Variants in ATP1A2 observed in about 807,000 individuals in gnomAD.
The protein encoded by ATP1A2 is sodium/potassium-transporting ATPase subunit alpha-2.
Under a neutral mutation model 113.1 loss-of-function variants are expected in ATP1A2, and 56 were observed. The observed-to-expected ratio is 0.49, with a 90% confidence interval of 0.40 to 0.62. The LOEUF (loss-of-function observed/expected upper bound fraction) is 0.62, where lower values mean the gene tolerates loss of function less well. ATP1A2 is among the 20% of genes least tolerant of loss of function. The pLI is 0.00. For missense variants in ATP1A2, 712 were observed against 1,357.8 expected (o/e 0.52, Z 7.47); for synonymous variants, 490 against 526.8 (o/e 0.93, Z 0.96).
rs1168370845 is a variant in ATP1A2 at position 160,137,060 on chromosome 1, C to T, written c.2840+29C>T. The T allele has an allele frequency of 4.3e-6, 7 of 1,613,748 alleles. No individual in the cohort carries two copies. The Admixed American group carries it at 1.0e-4, about 23-fold the overall frequency. On this transcript the variant is annotated intron_variant, in intron 20 of 22. Coordinates refer to ENST00000361216, the MANE Select transcript of ATP1A2 (RefSeq NM_000702.4). ...AGTGCCCACCCCCATGGCACCTACC[C>T]ACCCAGGCTCTGGGCACACTCACCA...
At position 160,138,566 on chromosome 1, in the gene ATP1A2, G is replaced by A. The variant is rs149011690; in HGVS notation, c.2841-1074G>A. Among the ~76,000 whole-genome samples the A allele has an allele frequency of 4.3e-4, 65 of 152,312 alleles. No individual in the cohort carries two copies. In the East Asian group the frequency reaches 0.011, roughly 26 times the overall value. On this transcript the variant is annotated intron_variant, in intron 20 of 22. Transcript: ENST00000361216. ...AGAATACAAAAGATGGAGTAGCCGG[G>A]GACAGTGGTTCACACCTGTAATCCC...
intron 20 of ATP1A2, among the ~76,000 whole-genome samples, chr1:160,137,465 G>A (rs193034451): frequency 1.1e-4 from 16 of 152,296 alleles, no homozygotes; most frequent in East Asian, 9.6e-4. Context: ...GAGTTCCAGC[G>A]TGCCAGGCAC....
rs767672945 is a variant in ATP1A2, at chr1:160,129,004, C to T, written c.1241C>T (p.Pro414Leu). Reference sequence around the variant, plus strand: ...GGGGCCACTTTTGACAAACGATCCCCTACGTGGACGGCCCTGTCTCGAATT... The same window carrying T: ...GGGGCCACTTTTGACAAACGATCCCTTACGTGGACGGCCCTGTCTCGAATT... Reference protein sequence around the residue: ...QSGATFDKRSPTWTALSRIAG... With the variant: ...QSGATFDKRSLTWTALSRIAG... The change falls in exon 10 of 23, where the codon CCT becomes CTT. Residue 414 changes from proline to leucine, a missense_variant. Pro to Leu is a moderately conservative substitution (Grantham distance 98, BLOSUM62 -3). This residue lies in a region of ATP1A2 where 263 missense variants were observed against 380.6 expected (regional missense o/e 0.69). Coordinates refer to ENST00000361216, the MANE Select transcript of ATP1A2 (RefSeq NM_000702.4). 1.2e-6 allele frequency: 2 copies of T among 1,608,374 alleles called. No homozygotes were observed. The highest frequency in any genetic ancestry group is 1.7e-6 in the Non-Finnish European group (2 of 1,176,940).
intron 20 of ATP1A2, 146 bp downstream of exon 20, chr1:160,137,177 G>C: frequency 7.4e-7 from 1 of 1,352,844 alleles, no homozygotes; most frequent in Non-Finnish European, 1.0e-6. Context: ...TCCATAGATA[G>C]GTTTCATATA....
At position 160,135,160 on chromosome 1, in the gene ATP1A2, C is replaced by T. The variant is rs61734529; in HGVS notation, c.1980C>T (p.Cys660=). The T allele has an allele frequency of 3.8e-3, 6,208 of 1,613,984 alleles. 204 individuals carry two copies. In the African/African-American group the frequency reaches 0.074, roughly 19 times the overall value. Residue 660 remains cysteine, a synonymous_variant, in exon 15 of 23, where the codon TGC becomes TGT. Coordinates refer to ENST00000361216, the MANE Select transcript of ATP1A2 (RefSeq NM_000702.4). The surrounding 1 kb of genome is among the most constrained non-coding windows in gnomAD (Gnocchi z 6.3). The part of the protein sequence containing the change: ...SQVNPREAKA[C]VVHGSDLKDM... ...CACCCTCCAGAGAAGCCAAGGCATG[C>T]GTGGTGCACGGCTCTGACCTGAAGG...
chr1:160,122,024 C>G (rs900672047), intron 3 of ATP1A2, among the ~76,000 whole-genome samples: 1 of 152,172 alleles, frequency 6.6e-6, no homozygotes, highest in East Asian at 1.9e-4. Context: ...CCCACCTACT[C>G]GAGAGGCTGA....
At chr1:160,141,089 G>T (rs1372167628) in intron 22 of ATP1A2, among the ~76,000 whole-genome samples, 1 of 151,634 alleles carries the variant, frequency 6.6e-6, no homozygotes, top group South Asian at 2.1e-4. Flanking sequence ...CTTGATCTCC[G>T]CCTGCCTCAG....
At chr1:160,131,454 T>C (rs12072167) in intron 13 of ATP1A2, among the ~76,000 whole-genome samples, 2,835 of 152,230 alleles carry the variant, frequency 0.019, 77 homozygotes, top group African/African-American at 0.064. Flanking sequence ...ACCAGGAGAC[T>C]TGTTTCTGTG....
At position 160,139,911 on chromosome 1, in the gene ATP1A2, C is replaced by T. The variant is rs74123254; in HGVS notation, c.2961C>T (p.Cys987=). 8,009 of 1,614,046 alleles carry T rather than the reference C, an allele frequency of 5.0e-3. 368 individuals are homozygous for T. The African/African-American group carries it at 0.089, about 18-fold the overall frequency. ...CTTTCAGAGTCACCTGGTGGTTCTGCGCCTTCCCCTACAGCCTCCTCATCT... is the reference window on the plus strand; with the variant it reads ...CTTTCAGAGTCACCTGGTGGTTCTGTGCCTTCCCCTACAGCCTCCTCATCT... ...MYPLKVTWWF[C]AFPYSLLIFI... The change falls in exon 22 of 23, where the codon TGC becomes TGT. Residue 987 remains cysteine, a synonymous_variant. Coordinates refer to ENST00000361216, the MANE Select transcript of ATP1A2 (RefSeq NM_000702.4).
At position 160,141,449 on chromosome 1, in the gene ATP1A2, C is replaced by A; in HGVS notation, c.*127C>A. On this transcript the variant is annotated 3_prime_UTR_variant, in exon 23 of 23. Transcript: ENST00000361216. Reference sequence around the variant, plus strand: ...CAACATTTGGGGAGAGATAATGAGGCAACTCAGCAGGCTAAGTTGCGGGGT... The same window carrying A: ...CAACATTTGGGGAGAGATAATGAGGAAACTCAGCAGGCTAAGTTGCGGGGT... 1.6e-6 allele frequency: 2 copies of A among 1,243,478 alleles called. No homozygotes were observed. Among genetic ancestry groups the A allele is most frequent in the Non-Finnish European group, 2.3e-6 (2 of 851,574 alleles). The allele number at this position is 1,243,478 out of a possible 1,614,324, so 77.0% of individuals were successfully genotyped here.
Position 160,141,489 on chromosome 1 carries a change from G to C in ATP1A2, c.*167G>C. On this transcript the variant is annotated 3_prime_UTR_variant, in exon 23 of 23. Coordinates refer to ENST00000361216, the MANE Select transcript of ATP1A2 (RefSeq NM_000702.4). ...AGTTGCGGGGTATATAAATTGGGGT[G>C]ATGACCCCATAGACCTAACTGTGAA... 21 of 811,370 alleles carry C rather than the reference G, an allele frequency of 2.6e-5. No homozygotes were observed. Among genetic ancestry groups the C allele is most frequent in the Non-Finnish European group, 4.2e-5 (20 of 479,400 alleles). The allele number at this position is 811,370 out of a possible 1,614,324, so 50.3% of individuals were successfully genotyped here. A position where few individuals can be genotyped will look rare whatever the true frequency, so the allele number is the denominator to read the frequency against.
chr1:160,126,875 T>C (rs187768981), intron 7 of ATP1A2, among the ~76,000 whole-genome samples: 1 of 152,336 alleles, frequency 6.6e-6, no homozygotes, highest in Non-Finnish European at 1.5e-5. Context: ...TACTCTGCAA[T>C]TGGCTTTGAA....
intron 1 of ATP1A2, among the ~76,000 whole-genome samples, chr1:160,119,457 A>G (rs568933159): frequency 1.8e-4 from 27 of 152,236 alleles, no homozygotes; most frequent in Non-Finnish European, 1.8e-4. Context: ...CAAGGACTCT[A>G]TTTCCTGAGG....
rs202147016 is a variant in ATP1A2 at position 160,123,565 on chromosome 1, CTATA to C, written c.381+155_381+158del. 1,077 of 957,718 alleles carry C rather than the reference CTATA, an allele frequency of 1.1e-3. 7 individuals are homozygous for C. In the African/African-American group the frequency reaches 0.015, roughly 13 times the overall value. 59.3% of individuals were successfully genotyped at this position (957,718 alleles called of 1,614,324 possible). ...CTTAGGCTGGAAAGGGGAGAGGCTTCTATATATATCTGTAAAGTACTCCTCCGCC... is the reference window on the plus strand; with the variant it reads ...CTTAGGCTGGAAAGGGGAGAGGCTTCTATATCTGTAAAGTACTCCTCCGCC... On this transcript the variant is annotated intron_variant, in intron 4 of 22. Transcript: ENST00000361216.
chr1:160,115,962 G>C, intron 1 of ATP1A2, 89 bp downstream of exon 1: 1 of 1,543,066 alleles, frequency 6.5e-7, no homozygotes, highest in East Asian at 2.4e-5. Context: ...TGTGGAAGGA[G>C]CGGGAGAGAG....
chr1:160,142,441 A>G lies in ATP1A2; in HGVS notation c.*1119A>G, dbSNP rs1652181785. 6.6e-6 allele frequency: 1 copy of G among 152,262 alleles called. No individual in the cohort carries two copies. The highest frequency in any genetic ancestry group is 2.4e-5 in the African/African-American group (1 of 41,458). 9.4% of individuals were successfully genotyped at this position (152,262 alleles called of 1,614,324 possible). ...CTGAACCTTCCTGTCTCCCAGGGAC[A>G]TGTATGCTTCCAGGGACAAGCTTAG... On this transcript the variant is annotated 3_prime_UTR_variant, in exon 23 of 23. Coordinates refer to ENST00000361216, the MANE Select transcript of ATP1A2 (RefSeq NM_000702.4).
chr1:160,124,118 C>T, intron 5 of ATP1A2, 62 bp downstream of exon 5: 4 of 1,594,656 alleles, frequency 2.5e-6, no homozygotes, highest in Non-Finnish European at 3.4e-6. Flanking sequence ...TCCAGCTCAT[C>T]TTTTGTCAGC....
rs1652217527 is a variant in ATP1A2 at position 160,143,499 on chromosome 1, G to A, written c.*2177G>A. ...GTATTTGTTAAAGAAACATCTACAG[G>A]ATCTTTATTGGTGACCTTTTGTAAG... On this transcript the variant is annotated 3_prime_UTR_variant, in exon 23 of 23. Coordinates refer to ENST00000361216, the MANE Select transcript of ATP1A2 (RefSeq NM_000702.4). 6.6e-6 allele frequency: 1 copy of A among 152,470 alleles called. No individual in the cohort carries two copies. Among genetic ancestry groups the A allele is most frequent in the Non-Finnish European group, 1.5e-5 (1 of 68,022 alleles). 9.4% of individuals were successfully genotyped at this position (152,470 alleles called of 1,614,324 possible).
intron 1 of ATP1A2, among the ~76,000 whole-genome samples, chr1:160,117,854 C>T (rs1651238182): frequency 6.6e-6 from 1 of 152,058 alleles, no homozygotes; most frequent in Non-Finnish European, 1.5e-5. Context: ...CCAGCTGCCC[C>T]CACTCTGTCC....
Sources: allele counts gnomAD v4.1 joint callset (sites outside exome capture counted in the v4.1 genomes callset), GRCh38; gene constraint gnomAD v4.1.1; regional missense constraint gnomAD v4.1.1; non-coding constraint Gnocchi (gnomAD v3.1); transcripts MANE v1.5; gene names NCBI Gene and HGNC (gene_info 2026-07-23, HGNC 2026-07-21).